The following DHRS7B variants were observed in gnomAD, a reference collection of about 807,000 sequenced individuals.
DHRS7B encodes peroxisomal reductase activating PPAR-gamma.
A neutral mutation model predicts 26.4 loss-of-function variants in DHRS7B; 24 were observed. The ratio of observed to expected loss-of-function variants is 0.91; its 90% confidence interval spans 0.66 to 1.28. The LOEUF (loss-of-function observed/expected upper bound fraction) is 1.28, where lower values mean the gene tolerates loss of function less well. Ranked by LOEUF, DHRS7B falls within the 50% of genes most tolerant of loss-of-function variation. The pLI, the probability that DHRS7B is intolerant of heterozygous loss-of-function variation, is 0.00. For synonymous variants in DHRS7B, 142 were observed against 166.4 expected (o/e 0.85, Z 1.13); for missense variants, 368 against 419.4 (o/e 0.88, Z 1.07).
intron 1 of DHRS7B, among the ~76,000 whole-genome samples, chr17:21,139,073 T>G (rs1973432013): frequency 6.6e-6 from 1 of 152,228 alleles, no homozygotes; most frequent in African/African-American, 2.4e-5. Flanking sequence ...TCCTTGTTCA[T>G]TCCTGGGCAT....
At chr17:21,140,044 A>C (rs1456645525) in intron 1 of DHRS7B, among the ~76,000 whole-genome samples, 2 of 25,138 alleles carry the variant, frequency 8.0e-5, no homozygotes, top group African/African-American at 3.3e-4. Flanking sequence ...TTTTTTTTTG[A>C]GACAGAGTCT....
At position 21,188,819 on chromosome 17, in the gene DHRS7B, A is replaced by C. The variant is rs1397409997; in HGVS notation, c.728A>C (p.Asn243Thr). Residue 243 changes from asparagine (N) to threonine (T), a missense_variant, in exon 6 of 7, where the codon AAC becomes ACC. Physicochemically the swap from Asn to Thr is moderately conservative, Grantham distance 65 (BLOSUM62 0). Coordinates refer to ENST00000395511, the MANE Select transcript of DHRS7B (RefSeq NM_015510.5). ...TVISPGYIHT[N>T]LSVNAITADG... ...ATCAGCCCCGGCTACATCCACACCA[A>C]CCTCTCTGTAAATGCCATCACCGCG... 6.2e-7 allele frequency: 1 copy of C among 1,614,028 alleles called. No homozygotes were observed. The highest frequency in any genetic ancestry group is 1.7e-5 in the Admixed American group (1 of 60,006).
At chr17:21,137,295 C>CTTTTTTTTTT (rs1194614460) in intron 1 of DHRS7B, among the ~76,000 whole-genome samples, 1 of 108,222 alleles carries the variant, frequency 9.2e-6, no homozygotes, top group African/African-American at 3.5e-5. Context: ...TCTTTTTTGT[C>CTTTTTTTTTT]TTTTTTTTTT....
intron 1 of DHRS7B, among the ~76,000 whole-genome samples, chr17:21,169,680 C>T (rs552388002): frequency 5.9e-5 from 9 of 152,196 alleles, no homozygotes; most frequent in Non-Finnish European, 1.2e-4. Context: ...TCTTGACCCC[C>T]ATGACCTCGG....
intron 3 of DHRS7B, among the ~76,000 whole-genome samples, chr17:21,180,776 ATC>A (rs1287653983): frequency 1.3e-5 from 2 of 152,144 alleles, no homozygotes; most frequent in African/African-American, 2.4e-5. Flanking sequence ...TGAGTCCTCC[ATC>A]TGTCCTTTTT....
intron 1 of DHRS7B, among the ~76,000 whole-genome samples, chr17:21,149,219 GAA>G (rs895917954): frequency 6.8e-6 from 1 of 147,436 alleles, no homozygotes; most frequent in Admixed American, 6.8e-5. Flanking sequence ...AGTGCTGAAA[GAA>G]AAAAAAAACC....
intron 1 of DHRS7B, among the ~76,000 whole-genome samples, chr17:21,163,153 G>A (rs566192420): frequency 4.0e-5 from 6 of 150,824 alleles, no homozygotes; most frequent in Non-Finnish European, 5.9e-5. Context: ...CCGAGATCGC[G>A]CCACTGCACT....
At chr17:21,179,538 T>C (rs1974465200) in intron 3 of DHRS7B, among the ~76,000 whole-genome samples, 1 of 152,062 alleles carries the variant, frequency 6.6e-6, no homozygotes, top group Non-Finnish European at 1.5e-5. Context: ...AGGTGGAGGT[T>C]ACAGTGAACC....
At chr17:21,153,339 A>C (rs1038806508) in intron 1 of DHRS7B, among the ~76,000 whole-genome samples, 1 of 152,244 alleles carries the variant, frequency 6.6e-6, no homozygotes, top group Non-Finnish European at 1.5e-5. Flanking sequence ...GAAACTTCCA[A>C]AACTTAAAAG....
intron 1 of DHRS7B, among the ~76,000 whole-genome samples, chr17:21,163,513 G>A (rs578197065): frequency 7.2e-5 from 11 of 152,264 alleles, no homozygotes; most frequent in South Asian, 2.1e-4. Flanking sequence ...CAATGCCGCC[G>A]TGAAGAAAAT....
chr17:21,153,633 TAGA>T (rs1472788514), intron 1 of DHRS7B, among the ~76,000 whole-genome samples: 5 of 152,060 alleles, frequency 3.3e-5, no homozygotes, highest in East Asian at 1.9e-4. Context: ...GGCTAGGAAG[TAGA>T]AGATCAAAGC....
intron 2 of DHRS7B, chr17:21,172,455 G>GTGGGA (rs1310466188): frequency 2.5e-6 from 1 of 394,192 alleles, no homozygotes; most frequent in Non-Finnish European, 4.7e-6. Context: ...GTGGGGTGGG[G>GTGGGA]TGGGATGGGA....
chr17:21,132,616 T>A (rs1567614550), intron 1 of DHRS7B, among the ~76,000 whole-genome samples: 1 of 151,720 alleles, frequency 6.6e-6, no homozygotes, highest in Non-Finnish European at 1.5e-5. Context: ...GTTTGCCTTA[T>A]TTGAGCAGTT....
At chr17:21,142,451 GTATAAAACAA>G (rs1488740414) in intron 1 of DHRS7B, among the ~76,000 whole-genome samples, 2 of 152,114 alleles carry the variant, frequency 1.3e-5, no homozygotes, top group African/African-American at 4.8e-5. Context: ...CCTTTTCTGA[GTATAAAACAA>G]TATAAAACAA....
At chr17:21,159,445 C>T (rs558927663) in intron 1 of DHRS7B, among the ~76,000 whole-genome samples, 3 of 150,532 alleles carry the variant, frequency 2.0e-5, no homozygotes, top group East Asian at 2.0e-4. Context: ...TTAGTAGAGA[C>T]GGGGTTTCAC....
intron 1 of DHRS7B, among the ~76,000 whole-genome samples, chr17:21,149,085 T>C (rs79258581): frequency 0.02 from 2,962 of 151,718 alleles, 111 homozygotes; most frequent in African/African-American, 0.068. Context: ...AAGCAAATAA[T>C]ATAAAGGAGC....
chr17:21,127,151 G>GGAA lies in DHRS7B; in HGVS notation c.20+163_20+165dup, dbSNP rs1461050624. On this transcript the variant is annotated intron_variant, in intron 1 of 6. Coordinates refer to ENST00000395511, the MANE Select transcript of DHRS7B (RefSeq NM_015510.5). Reference sequence around the variant, plus strand: ...GATCCCCGCGACGCCGAACTCTGAAGGAAGACTCAGCCCAGGCGCTGGGAC... The same window carrying GGAA: ...GATCCCCGCGACGCCGAACTCTGAAGGAAGAAGACTCAGCCCAGGCGCTGGGAC... The GGAA allele has an allele frequency of 1.4e-5, 10 of 716,168 alleles. No homozygotes were observed. The East Asian group carries it at 3.4e-4, about 24-fold the overall frequency. 44.4% of individuals were successfully genotyped at this position (716,168 alleles called of 1,614,324 possible).
intron 1 of DHRS7B, among the ~76,000 whole-genome samples, chr17:21,132,527 T>G: frequency 1.1e-5 from 1 of 90,330 alleles, no homozygotes; most frequent in Non-Finnish European, 2.2e-5. Context: ...GGAGACCTTG[T>G]CTCAAAAAAA....
At chr17:21,188,570 C>T in intron 5 of DHRS7B, 141 bp from the exon 6 acceptor site, 1 of 986,636 alleles carries the variant, frequency 1.0e-6, no homozygotes, top group Non-Finnish European at 1.5e-6. Context: ...AGCTGGAGTC[C>T]AGCCTAAGCA....
Sources: gnomAD v4.1 joint callset for allele counts (sites outside exome capture counted in the v4.1 genomes callset) on GRCh38, gnomAD v4.1.1 for gene constraint, MANE v1.5 for transcripts, NCBI Gene and HGNC (gene_info 2026-07-23, HGNC 2026-07-21) for gene names.